CLVS1: variants seen among roughly 807,000 people sequenced by gnomAD.
CLVS1 encodes clavesin 1.
Under a neutral mutation model 33.1 loss-of-function variants are expected in CLVS1, and 10 were observed. The ratio of observed to expected loss-of-function variants is 0.30; its 90% CI spans 0.19 to 0.51. CLVS1 has a LOEUF of 0.51. Ranked by LOEUF, CLVS1 falls within the 20% of genes least tolerant of loss-of-function variation. The probability of loss-of-function intolerance (pLI) is 0.97; values close to 1 mark genes in which losing one functional copy is unlikely to be tolerated. For synonymous variants in CLVS1, 163 were observed against 166.1 expected, an observed-to-expected ratio of 0.98 and a Z score of 0.14; for missense variants, 343 against 433.4, an observed-to-expected ratio of 0.79 and a Z score of 1.85.
intron 2 of CLVS1, among the ~76,000 whole-genome samples, chr8:61,235,437 A>G (rs950963709): frequency 1.3e-5 from 2 of 152,182 alleles, no homozygotes; most frequent in Non-Finnish European, 2.9e-5. Context: ...ACTACAAATA[A>G]CTACAATTAA....
intron 2 of CLVS1, among the ~76,000 whole-genome samples, chr8:61,146,047 C>T (rs1806408140): frequency 1.3e-5 from 2 of 152,150 alleles, no homozygotes; most frequent in African/African-American, 2.4e-5. Flanking sequence ...AAAATGTGTC[C>T]TCCTTTGTTT....
intron 2 of CLVS1, among the ~76,000 whole-genome samples, chr8:61,237,878 G>A (rs1483267235): frequency 5.3e-5 from 8 of 150,772 alleles, no homozygotes; most frequent in African/African-American, 1.7e-4. Context: ...GCTTTCTGCT[G>A]CCTTAGGGTC....
chr8:61,459,452 C>T (rs1252621048), intron 5 of CLVS1, among the ~76,000 whole-genome samples: 1 of 151,992 alleles, frequency 6.6e-6, no homozygotes, highest in Non-Finnish European at 1.5e-5. Context: ...ACCCGTCATC[C>T]GAGCAGTATA....
chr8:61,189,707 G>A (rs2129302382), intron 2 of CLVS1, among the ~76,000 whole-genome samples: 1 of 151,836 alleles, frequency 6.6e-6, no homozygotes, highest in Non-Finnish European at 1.5e-5. Flanking sequence ...AACAAAAAAA[G>A]GCAGGGGTTG....
intron 2 of CLVS1, among the ~76,000 whole-genome samples, chr8:61,325,615 C>T (rs963764263): frequency 3.3e-5 from 5 of 152,112 alleles, no homozygotes; most frequent in African/African-American, 1.2e-4. Flanking sequence ...TGTGGCAACA[C>T]CTTGAGTTTC....
chr8:61,087,096 G>A (rs71525437), intron 1 of CLVS1, among the ~76,000 whole-genome samples: 2 of 152,270 alleles, frequency 1.3e-5, no homozygotes, highest in African/African-American at 2.4e-5. Flanking sequence ...CTCCAGCTCC[G>A]AAATCAAGAA....
At chr8:61,162,260 A>C (rs1180020093) in intron 2 of CLVS1, among the ~76,000 whole-genome samples, 1 of 152,204 alleles carries the variant, frequency 6.6e-6, no homozygotes, top group South Asian at 2.1e-4. Flanking sequence ...TTTGAATCCC[A>C]TATTTGCAGG....
At chr8:61,164,506 A>C (rs550147658) in intron 2 of CLVS1, among the ~76,000 whole-genome samples, 1 of 152,268 alleles carries the variant, frequency 6.6e-6, no homozygotes, top group Admixed American at 6.5e-5. Flanking sequence ...CTGTCTGACA[A>C]CATGGCCGCC....
At chr8:61,244,314 GATTT>G (rs1255482652) in intron 2 of CLVS1, among the ~76,000 whole-genome samples, 5 of 151,912 alleles carry the variant, frequency 3.3e-5, no homozygotes, top group Non-Finnish European at 7.4e-5. Flanking sequence ...TTTTGTTACT[GATTT>G]ATTTCTTAAT....
intron 2 of CLVS1, among the ~76,000 whole-genome samples, chr8:61,182,640 C>T (rs1168594988): frequency 3.3e-5 from 5 of 152,134 alleles, no homozygotes; most frequent in Admixed American, 6.6e-5. Flanking sequence ...TACCGTCTCA[C>T]GTCAGTCACA....
chr8:61,287,730 CACACACACACACAG>C (rs1809819813), upstream of CLVS1, among the ~76,000 whole-genome samples: 1 of 151,650 alleles, frequency 6.6e-6, no homozygotes, highest in African/African-American at 2.4e-5. Context: ...GTCAAATTTA[CACACACACACACAG>C]ACACACACAT....
chr8:61,162,307 G>A (rs1421225470), intron 2 of CLVS1, among the ~76,000 whole-genome samples: 1 of 152,178 alleles, frequency 6.6e-6, no homozygotes, highest in Non-Finnish European at 1.5e-5. Flanking sequence ...AAATTTGTAT[G>A]CTTTTTCTCC....
At chr8:61,201,112 A>T (rs530594030) in intron 2 of CLVS1, among the ~76,000 whole-genome samples, 11 of 152,360 alleles carry the variant, frequency 7.2e-5, no homozygotes, top group Non-Finnish European at 1.6e-4. Flanking sequence ...CAATTCCAGC[A>T]GAATGAAATA....
chr8:61,353,152 A>G (rs1812543590), intron 2 of CLVS1, among the ~76,000 whole-genome samples: 1 of 152,060 alleles, frequency 6.6e-6, no homozygotes, highest in African/African-American at 2.4e-5. Flanking sequence ...TCAGCAACTG[A>G]TAGAACTTAG....
intron 2 of CLVS1, among the ~76,000 whole-genome samples, chr8:61,215,145 T>G (rs1168902034): frequency 6.6e-6 from 1 of 152,064 alleles, no homozygotes; most frequent in Non-Finnish European, 1.5e-5. Flanking sequence ...AAAGATGGGA[T>G]GGAGGGATGG....
At chr8:61,031,890 C>A in the CLVS1 span, among the ~76,000 whole-genome samples, 1 of 151,910 alleles carries the variant, frequency 6.6e-6, no homozygotes, top group African/African-American at 2.4e-5. Flanking sequence ...GGAGAAGTTA[C>A]AACATTAAGA....
intron 3 of CLVS1, among the ~76,000 whole-genome samples, chr8:61,429,148 G>A (rs559993283): frequency 9.9e-5 from 15 of 152,206 alleles, no homozygotes; most frequent in African/African-American, 3.4e-4. Context: ...GCAGCTGGGT[G>A]CGGTGGCTCA....
intron 5 of CLVS1, among the ~76,000 whole-genome samples, chr8:61,494,190 A>G (rs1804192673): frequency 6.6e-6 from 1 of 152,144 alleles, no homozygotes; most frequent in Admixed American, 6.6e-5. Flanking sequence ...TAGAATCAGT[A>G]AAAATTAAAC....
intron 5 of CLVS1, among the ~76,000 whole-genome samples, chr8:61,493,572 T>G (rs1343094265): frequency 6.6e-6 from 1 of 152,352 alleles, no homozygotes; most frequent in South Asian, 2.1e-4. Context: ...GGACCCATCA[T>G]TCTTCAAGCC....
Sources: gnomAD v4.1 joint callset for allele counts (sites outside exome capture counted in the v4.1 genomes callset) on GRCh38, gnomAD v4.1.1 for gene constraint, MANE v1.5 for transcripts, NCBI Gene and HGNC (gene_info 2026-07-23, HGNC 2026-07-21) for gene names.